Variants in ABTB3 observed in about 807,000 individuals in gnomAD.
ABTB3 encodes ankyrin repeat- and BTB/POZ domain-containing protein 3.
At chr12:107,521,443 A>T in the ABTB3 span, among the ~76,000 whole-genome samples, 1 of 152,118 alleles carries the variant, frequency 6.6e-6, no homozygotes, top group Non-Finnish European at 1.5e-5. Flanking sequence ...ATTTTAACAC[A>T]AATGATTCCA....
At chr12:107,543,603 G>A in the ABTB3 span, among the ~76,000 whole-genome samples, 1 of 152,104 alleles carries the variant, frequency 6.6e-6, no homozygotes, top group South Asian at 2.1e-4. Flanking sequence ...ACAACATAGA[G>A]GGTGTGTCAC....
At chr12:107,645,609 G>T in the ABTB3 span, among the ~76,000 whole-genome samples, 5 of 152,234 alleles carry the variant, frequency 3.3e-5, no homozygotes, top group African/African-American at 9.6e-5. Context: ...GCATGAGCTG[G>T]AAGCTGGAAA....
the ABTB3 span, among the ~76,000 whole-genome samples, chr12:107,613,027 G>C: frequency 6.6e-6 from 1 of 152,280 alleles, no homozygotes; most frequent in Admixed American, 6.5e-5. Context: ...GCCCTGGTGA[G>C]ACCACCTGAC....
the ABTB3 span, among the ~76,000 whole-genome samples, chr12:107,352,803 C>T: frequency 6.6e-6 from 1 of 151,940 alleles, no homozygotes; most frequent in African/African-American, 2.4e-5. Context: ...ATGGGGGGTA[C>T]CTGGGGAGGC....
At chr12:107,562,846 G>A in the ABTB3 span, among the ~76,000 whole-genome samples, 1 of 152,188 alleles carries the variant, frequency 6.6e-6, no homozygotes, top group African/African-American at 2.4e-5. Context: ...TCTGGAATTA[G>A]CACAGCCTTG....
the ABTB3 span, chr12:107,640,309 A>G: frequency 6.5e-7 from 1 of 1,532,570 alleles, no homozygotes; most frequent in South Asian, 1.2e-5. Flanking sequence ...TTCCTATTCC[A>G]GATCCTCATT....
chr12:107,486,719 A>G, the ABTB3 span: 1 of 141,546 alleles, frequency 7.1e-6, no homozygotes, highest in Admixed American at 7.3e-5. Context: ...GGGACCTCCA[A>G]GGGGCTCTTA....
At chr12:107,421,772 A>G in the ABTB3 span, among the ~76,000 whole-genome samples, 1 of 152,208 alleles carries the variant, frequency 6.6e-6, no homozygotes, top group African/African-American at 2.4e-5. Context: ...TTTGAAGACC[A>G]TGGATCTCAT....
chr12:107,353,226 C>A, the ABTB3 span, among the ~76,000 whole-genome samples: 1 of 152,176 alleles, frequency 6.6e-6, no homozygotes, highest in African/African-American at 2.4e-5. Flanking sequence ...AGGGAGTACC[C>A]ACTAAGTGCC....
the ABTB3 span, among the ~76,000 whole-genome samples, chr12:107,372,866 G>A: frequency 3.3e-5 from 5 of 152,186 alleles, no homozygotes; most frequent in African/African-American, 9.6e-5. Flanking sequence ...CCTGGGAAGT[G>A]AGCTGCAGGG....
chr12:107,638,768 G>C, the ABTB3 span, among the ~76,000 whole-genome samples: 1 of 152,200 alleles, frequency 6.6e-6, no homozygotes, highest in Non-Finnish European at 1.5e-5. Flanking sequence ...CTGTGATGGA[G>C]TATAATGGGT....
At chr12:107,593,862 G>A in the ABTB3 span, among the ~76,000 whole-genome samples, 17 of 152,262 alleles carry the variant, frequency 1.1e-4, no homozygotes, top group Admixed American at 2.6e-4. Context: ...AGAGAAAATA[G>A]AAGGGCAGGG....
the ABTB3 span, among the ~76,000 whole-genome samples, chr12:107,325,987 C>T: frequency 6.6e-6 from 1 of 152,170 alleles, no homozygotes; most frequent in Admixed American, 6.5e-5. Flanking sequence ...CTCACTGCAA[C>T]CTCCACCTCC....
chr12:107,446,440 G>T, the ABTB3 span, among the ~76,000 whole-genome samples: 5 of 152,138 alleles, frequency 3.3e-5, no homozygotes, highest in African/African-American at 1.2e-4. Flanking sequence ...CACATTTTTG[G>T]TCAGGTTTTA....
chr12:107,469,945 T>TC, the ABTB3 span, among the ~76,000 whole-genome samples: 43 of 36,354 alleles, frequency 1.2e-3, no homozygotes, highest in East Asian at 8.0e-3. Flanking sequence ...TTTCTTTCTC[T>TC]TTCTTTCTTT....
chr12:107,650,961 A>G, the ABTB3 span: 1 of 152,274 alleles, frequency 6.6e-6, no homozygotes, highest in African/African-American at 2.4e-5. Flanking sequence ...TCAATCATAT[A>G]GAAGAGTTTT....
the ABTB3 span, among the ~76,000 whole-genome samples, chr12:107,344,513 A>G: frequency 6.6e-6 from 1 of 152,204 alleles, no homozygotes; most frequent in African/African-American, 2.4e-5. Flanking sequence ...CTGCCAGTGA[A>G]TCCCAGGACA....
chr12:107,591,954 G>C, the ABTB3 span, among the ~76,000 whole-genome samples: 1 of 152,308 alleles, frequency 6.6e-6, no homozygotes. Context: ...CAAAGCCTAC[G>C]TTCTCTCTAC....
At chr12:107,487,124 C>A in the ABTB3 span, among the ~76,000 whole-genome samples, 2 of 152,144 alleles carry the variant, frequency 1.3e-5, no homozygotes, top group African/African-American at 4.8e-5. Flanking sequence ...TTCCTCTCCC[C>A]ACACCCTAGT....
Sources: gnomAD v4.1 joint callset for allele counts (sites outside exome capture counted in the v4.1 genomes callset) on GRCh38, gnomAD v4.1.1 for gene constraint, MANE v1.5 for transcripts, NCBI Gene and HGNC (gene_info 2026-07-23, HGNC 2026-07-21) for gene names.